Variants in SDK1 observed in about 807,000 individuals in gnomAD.
SDK1 encodes protein sidekick-1.
SDK1 carries 157 observed loss-of-function variants against 245.5 expected under a neutral mutation model. That is an observed-to-expected ratio of 0.64 (90% CI 0.56 to 0.73). The LOEUF is 0.73. SDK1 is among the 30% of genes least tolerant of loss of function. SDK1 has a pLI of 0.00. For synonymous variants in SDK1, 1,647 were observed against 1,278.5 expected (o/e 1.29, Z -6.15); for missense variants, 3,583 against 3,002.3 (o/e 1.19, Z -4.52).
intron 14 of SDK1, among the ~76,000 whole-genome samples, chr7:3,987,702 C>A (rs1264498338): frequency 1.3e-5 from 2 of 152,216 alleles, no homozygotes; most frequent in Non-Finnish European, 2.9e-5. Context: ...GGGAGGTTTT[C>A]TCCGGTGTAG....
chr7:3,699,603 C>G (rs1225958794), intron 4 of SDK1, among the ~76,000 whole-genome samples: 8 of 152,012 alleles, frequency 5.3e-5, no homozygotes, highest in Non-Finnish European at 1.0e-4. Context: ...ACAGAGAAAA[C>G]AGACTAAACA....
intron 35 of SDK1, among the ~76,000 whole-genome samples, chr7:4,195,733 AG>A (rs1219499304): frequency 6.6e-6 from 1 of 152,174 alleles, no homozygotes; most frequent in East Asian, 1.9e-4. Context: ...CCTTGCCTGC[AG>A]GGCTGCAGAG....
chr7:3,356,378 C>G (rs576400019), intron 1 of SDK1, among the ~76,000 whole-genome samples: 1 of 152,252 alleles, frequency 6.6e-6, no homozygotes, highest in African/African-American at 2.4e-5. Flanking sequence ...TGCCAGCTCT[C>G]GGAAGCCCTC....
chr7:3,481,416 C>T (rs991752575), intron 1 of SDK1, among the ~76,000 whole-genome samples: 1 of 152,174 alleles, frequency 6.6e-6, no homozygotes, highest in African/African-American at 2.4e-5. Context: ...AAGGATGTGC[C>T]GATGTCTTCG....
At chr7:3,321,451 T>C (rs898951723) in intron 1 of SDK1, among the ~76,000 whole-genome samples, 1 of 152,184 alleles carries the variant, frequency 6.6e-6, no homozygotes, top group Non-Finnish European at 1.5e-5. Flanking sequence ...GGTGAGAATA[T>C]GTCAGAACCT....
chr7:3,371,730 G>T (rs1371891210), intron 1 of SDK1, among the ~76,000 whole-genome samples: 2 of 152,126 alleles, frequency 1.3e-5, no homozygotes, highest in African/African-American at 4.8e-5. Context: ...TAGACGTGGA[G>T]GACAGATAAT....
At chr7:3,681,641 T>G (rs1583302125) in intron 4 of SDK1, among the ~76,000 whole-genome samples, 1 of 152,234 alleles carries the variant, frequency 6.6e-6, no homozygotes, top group East Asian at 1.9e-4. Context: ...CACTAAAATA[T>G]AAGCTCCAAA....
At chr7:3,498,994 A>G (rs913361558) in intron 1 of SDK1, among the ~76,000 whole-genome samples, 7 of 152,224 alleles carry the variant, frequency 4.6e-5, no homozygotes, top group Non-Finnish European at 7.3e-5. Flanking sequence ...AAGAATTTGC[A>G]GAAATCTAAA....
chr7:3,597,255 G>A (rs1197779109), intron 1 of SDK1, among the ~76,000 whole-genome samples: 3 of 130,210 alleles, frequency 2.3e-5, no homozygotes, highest in Non-Finnish European at 3.1e-5. Context: ...CTGGTCGACA[G>A]AGTAAGACTT....
intron 1 of SDK1, among the ~76,000 whole-genome samples, chr7:3,413,742 C>T (rs1779280137): frequency 6.6e-6 from 1 of 152,120 alleles, no homozygotes; most frequent in Non-Finnish European, 1.5e-5. Context: ...CACACCTGCA[C>T]TTTGCGAGGC....
At chr7:3,627,066 T>C (rs1014141690) in intron 2 of SDK1, among the ~76,000 whole-genome samples, 2 of 151,974 alleles carry the variant, frequency 1.3e-5, no homozygotes, top group Admixed American at 6.6e-5. Flanking sequence ...TAGCTAGGGG[T>C]ACAGGCACAC....
intron 35 of SDK1, among the ~76,000 whole-genome samples, chr7:4,204,183 A>G (rs1305810050): frequency 6.6e-6 from 1 of 152,268 alleles, no homozygotes; most frequent in Admixed American, 6.5e-5. Flanking sequence ...ATTGTACAAC[A>G]GTAATTTTGC....
intron 5 of SDK1, among the ~76,000 whole-genome samples, chr7:3,874,299 C>G (rs1318086793): frequency 6.6e-6 from 1 of 152,154 alleles, no homozygotes; most frequent in African/African-American, 2.4e-5. Context: ...TTTGAGTTTC[C>G]CTGACTTGAC....
At chr7:3,310,440 G>GGA (rs1779523445) in intron 1 of SDK1, among the ~76,000 whole-genome samples, 1 of 152,178 alleles carries the variant, frequency 6.6e-6, no homozygotes, top group Non-Finnish European at 1.5e-5. Context: ...TGCTGGAGAT[G>GGA]GAGAGAGGTA....
chr7:3,551,408 A>T (rs1166989442), intron 1 of SDK1, among the ~76,000 whole-genome samples: 1 of 152,236 alleles, frequency 6.6e-6, no homozygotes, highest in Admixed American at 6.5e-5. Flanking sequence ...CTGGGGAATC[A>T]GCAGCAATGT....
intron 20 of SDK1, among the ~76,000 whole-genome samples, chr7:4,073,905 C>A (rs898498666): frequency 2.6e-5 from 4 of 152,146 alleles, no homozygotes; most frequent in Non-Finnish European, 1.5e-5. Context: ...CCACAACAAG[C>A]GATTTATCCC....
At chr7:4,075,561 C>A in intron 20 of SDK1, among the ~76,000 whole-genome samples, 1 of 152,170 alleles carries the variant, frequency 6.6e-6, no homozygotes, top group East Asian at 1.9e-4. Context: ...ACCACTGTCT[C>A]CCTCTTTAAA....
intron 1 of SDK1, 116 bp downstream of exon 1, chr7:3,302,000 C>G (rs1440919976): frequency 2.0e-5 from 16 of 790,330 alleles, no homozygotes; most frequent in Middle Eastern, 6.0e-4. Context: ...TCGGGATGCG[C>G]CTTGCTGGGG....
chr7:3,876,806 G>C (rs754317849), intron 5 of SDK1, among the ~76,000 whole-genome samples: 1 of 152,156 alleles, frequency 6.6e-6, no homozygotes, highest in Non-Finnish European at 1.5e-5. Context: ...GGAGATACTA[G>C]TTGGGCTGGA....
Sources: gnomAD v4.1 joint callset for allele counts (sites outside exome capture counted in the v4.1 genomes callset) on GRCh38, gnomAD v4.1.1 for gene constraint, MANE v1.5 for transcripts, NCBI Gene and HGNC (gene_info 2026-07-23, HGNC 2026-07-21) for gene names.